The following SDK2 variants were observed in gnomAD, a reference collection of about 807,000 sequenced individuals.
The protein encoded by SDK2 is sidekick cell adhesion molecule 2, also known as protein sidekick-2.
SDK2 carries 105 observed loss-of-function variants against 253.9 expected under a neutral mutation model. That is an observed-to-expected ratio of 0.41 (90% CI 0.35 to 0.49). The LOEUF is 0.49. Ranked by LOEUF, SDK2 falls within the 20% of genes least tolerant of loss-of-function variation. SDK2 has a pLI of 0.06. For missense variants in SDK2, 2,608 were observed against 3,003.0 expected, an observed-to-expected ratio of 0.87 and a Z score of 3.07; for synonymous variants, 1,249 against 1,234.9, an observed-to-expected ratio of 1.01 and a Z score of -0.24.
intron 27 of SDK2, among the ~76,000 whole-genome samples, chr17:73,392,991 T>C (rs569813325): frequency 4.7e-4 from 72 of 152,184 alleles, no homozygotes; most frequent in African/African-American, 1.5e-3. Flanking sequence ...ACATCTGTAA[T>C]TGCAGCATGT....
At chr17:73,417,428 A>G (rs905875830) in intron 16 of SDK2, among the ~76,000 whole-genome samples, 1 of 151,926 alleles carries the variant, frequency 6.6e-6, no homozygotes, top group African/African-American at 2.4e-5. Flanking sequence ...AAGAAAATAA[A>G]TTATACATGG....
intron 5 of SDK2, among the ~76,000 whole-genome samples, chr17:73,444,863 G>A (rs1260901750): frequency 6.6e-6 from 1 of 152,180 alleles, no homozygotes; most frequent in African/African-American, 2.4e-5. Flanking sequence ...CAGGAGCCAG[G>A]GTATCCAGGC....
At chr17:73,429,707 T>C (rs926778712) in intron 12 of SDK2, among the ~76,000 whole-genome samples, 8 of 152,242 alleles carry the variant, frequency 5.3e-5, no homozygotes, top group Non-Finnish European at 8.8e-5. Flanking sequence ...GCAGGGAATA[T>C]TTATTTCTAA....
At chr17:73,417,030 G>A (rs1031369005) in intron 16 of SDK2, among the ~76,000 whole-genome samples, 2 of 152,140 alleles carry the variant, frequency 1.3e-5, no homozygotes, top group African/African-American at 2.4e-5. Context: ...AAAAATATAC[G>A]TGTTAATCGA....
intron 3 of SDK2, among the ~76,000 whole-genome samples, chr17:73,458,978 T>C (rs770234850): frequency 6.6e-6 from 1 of 152,126 alleles, no homozygotes; most frequent in Admixed American, 6.5e-5. Flanking sequence ...TACTCCAGCC[T>C]GGGGCAACAA....
At chr17:73,362,405 A>AGTTT (rs1402382502) in intron 38 of SDK2, among the ~76,000 whole-genome samples, 1 of 112,454 alleles carries the variant, frequency 8.9e-6, no homozygotes, top group African/African-American at 3.8e-5. Flanking sequence ...TATCTGCCAC[A>AGTTT]ATTTTTTTTT....
intron 13 of SDK2, 115 bp from the exon 14 acceptor site, chr17:73,423,637 G>T: frequency 8.0e-7 from 1 of 1,242,970 alleles, no homozygotes; most frequent in South Asian, 2.0e-5. Context: ...ATGCTTAGAC[G>T]TAAAATGTGG....
At chr17:73,634,626 A>C (rs2046308100) in intron 1 of SDK2, among the ~76,000 whole-genome samples, 2 of 152,230 alleles carry the variant, frequency 1.3e-5, no homozygotes, top group Non-Finnish European at 2.9e-5. Flanking sequence ...CCAAATCAAT[A>C]AATCCTTAAC....
At chr17:73,472,468 G>T (rs1460444052) in intron 2 of SDK2, among the ~76,000 whole-genome samples, 10 of 152,198 alleles carry the variant, frequency 6.6e-5, no homozygotes, top group Non-Finnish European at 1.5e-4. Context: ...CTCCAAGCAG[G>T]GAAGGTGCTG....
At chr17:73,491,491 A>G (rs1466477993) in intron 2 of SDK2, among the ~76,000 whole-genome samples, 1 of 150,036 alleles carries the variant, frequency 6.7e-6, no homozygotes, top group Non-Finnish European at 1.5e-5. Context: ...TCCCACCTCA[A>G]CCTCTCAAGG....
intron 1 of SDK2, among the ~76,000 whole-genome samples, chr17:73,515,579 C>G (rs1285316870): frequency 6.6e-6 from 1 of 152,198 alleles, no homozygotes; most frequent in Non-Finnish European, 1.5e-5. Context: ...GGAGAGAAGC[C>G]TGGAAATGGA....
At chr17:73,405,467 CATATATATATATATATATAT>C (rs1166184210) in intron 18 of SDK2, among the ~76,000 whole-genome samples, 1 of 6,036 alleles carries the variant, frequency 1.7e-4, no homozygotes, top group African/African-American at 7.3e-4. Context: ...AACAAAAAAC[CATATATATATATATATATAT>C]ATATATATAT....
chr17:73,381,002 G>A, intron 33 of SDK2, 52 bp from the exon 34 acceptor site: 1 of 1,161,612 alleles, frequency 8.6e-7, no homozygotes, highest in Non-Finnish European at 1.3e-6. Flanking sequence ...AGCAGACAGA[G>A]GAGGTTAGTG....
At position 73,350,846 on chromosome 17, in the gene SDK2, C is replaced by T. The variant is rs187936625; in HGVS notation, c.5759-56G>A. 1,267 of 1,541,932 alleles carry T rather than the reference C, an allele frequency of 8.2e-4. 13 individuals are homozygous for T. The African/African-American group carries it at 0.016, about 19-fold the overall frequency. On this transcript the variant is annotated intron_variant, in intron 41 of 44. Coordinates refer to ENST00000392650, the MANE Select transcript of SDK2 (RefSeq NM_001144952.2). ...GCTCAGCCCCCTCCTCCCTCCAAAT[C>T]TCCTGCTCCAGTTGGGACCCTACTA...
rs186742064 is a variant in SDK2, at chr17:73,494,888, G to A, written c.224+12550C>T. Reference sequence around the variant, plus strand: ...CGCGTGCATCTGTGGGAAGCAGGTCGTAAGGAGCACCACCCCATGTCCTCT... The same window carrying A: ...CGCGTGCATCTGTGGGAAGCAGGTCATAAGGAGCACCACCCCATGTCCTCT... On this transcript the variant is annotated intron_variant, in intron 2 of 44. Coordinates refer to ENST00000392650, the MANE Select transcript of SDK2 (RefSeq NM_001144952.2). 1.4e-4 allele frequency among the ~76,000 whole-genome samples: 22 copies of A among 152,382 alleles called. No individual in the cohort carries two copies. In the East Asian group the frequency reaches 3.3e-3, roughly 23 times the overall value.
intron 38 of SDK2, among the ~76,000 whole-genome samples, chr17:73,362,160 C>T (rs570982751): frequency 3.9e-5 from 6 of 152,316 alleles, no homozygotes; most frequent in African/African-American, 1.2e-4. Flanking sequence ...AGAGAACACT[C>T]GCCATCCTGT....
intron 36 of SDK2, among the ~76,000 whole-genome samples, chr17:73,372,018 C>T (rs2062738164): frequency 6.6e-6 from 1 of 151,438 alleles, no homozygotes; most frequent in African/African-American, 2.4e-5. Context: ...TCTCAGAATG[C>T]TTTTCTGCCC....
chr17:73,365,199 A>T lies in SDK2; in HGVS notation c.5305+59T>A. 2.2e-6 allele frequency: 3 copies of T among 1,364,146 alleles called. No homozygotes were observed. In the South Asian group the frequency reaches 4.4e-5, roughly 20 times the overall value. 84.5% of individuals were successfully genotyped at this position (1,364,146 alleles called of 1,614,324 possible). A position where few individuals can be genotyped will look rare whatever the true frequency, so the allele number is the denominator to read the frequency against. ...TGTAGTGGCTGTGATGGGCGCTGAG[A>T]TGAGAGCGAGCTTTTGCAAAGTGGG... On this transcript the variant is annotated intron_variant, in intron 38 of 44. Transcript: ENST00000392650.
chr17:73,614,979 T>A (rs943779226), intron 1 of SDK2, among the ~76,000 whole-genome samples: 44 of 137,308 alleles, frequency 3.2e-4, no homozygotes, highest in South Asian at 7.0e-4. Context: ...GAATAGAAGA[T>A]AAAAAAAAAA....
Sources: allele counts gnomAD v4.1 joint callset (sites outside exome capture counted in the v4.1 genomes callset), GRCh38; gene constraint gnomAD v4.1.1; transcripts MANE v1.5; gene names NCBI Gene and HGNC (gene_info 2026-07-23, HGNC 2026-07-21).